Variants in BRCA1 observed in about 807,000 individuals in gnomAD.
The protein encoded by BRCA1 is BRCA1 DNA repair associated.
Under a neutral mutation model 173.7 loss-of-function variants are expected in BRCA1, and 140 were observed. That is an observed-to-expected ratio of 0.81 (90% confidence interval 0.70 to 0.93). BRCA1 has a LOEUF of 0.93. Ranked by LOEUF, BRCA1 falls within the 40% of genes least tolerant of loss-of-function variation. The pLI, the probability that BRCA1 is intolerant of heterozygous loss-of-function variation, is 0.00. For missense variants in BRCA1, 1,983 were observed against 2,172.5 expected (o/e 0.91, Z 1.73); for synonymous variants, 662 against 756.0 (o/e 0.88, Z 2.04).
At chr17:43,121,199 C>T (rs1455876300) in intron 2 of BRCA1, among the ~76,000 whole-genome samples, 1 of 151,582 alleles carries the variant, frequency 6.6e-6, no homozygotes, top group Non-Finnish European at 1.5e-5. Flanking sequence ...CATGGTGAAA[C>T]CCCGTCTCTA....
At chr17:43,148,955 C>A (rs1347724431) in intron 1 of BRCA1, among the ~76,000 whole-genome samples, 3 of 152,180 alleles carry the variant, frequency 2.0e-5, no homozygotes, top group African/African-American at 4.8e-5. Flanking sequence ...ATAGTTCAGT[C>A]ATCCTTGATA....
At chr17:43,155,048 G>A (rs1267126793) in intron 1 of BRCA1, among the ~76,000 whole-genome samples, 3 of 152,220 alleles carry the variant, frequency 2.0e-5, no homozygotes, top group Non-Finnish European at 4.4e-5. Context: ...CATCAGATAG[G>A]TCAAGGTGCT....
chr17:43,153,835 T>C (rs758647456), intron 1 of BRCA1, among the ~76,000 whole-genome samples: 29 of 152,336 alleles, frequency 1.9e-4, no homozygotes, highest in Non-Finnish European at 3.2e-4. Flanking sequence ...GCATGTTTGG[T>C]TTGTGATTAC....
At chr17:43,158,627 T>C (rs1243924361) in intron 1 of BRCA1, among the ~76,000 whole-genome samples, 1 of 152,224 alleles carries the variant, frequency 6.6e-6, no homozygotes, top group Non-Finnish European at 1.5e-5. Flanking sequence ...CACCATATTT[T>C]AAAAAATTAA....
chr17:43,091,998 C>A lies in BRCA1; in HGVS notation c.3533G>T (p.Ser1178Ile), dbSNP rs1294360179. Residue 1178 changes from serine (S) to isoleucine (I), a missense_variant, in exon 10 of 23, where the codon AGC (serine) becomes ATC (isoleucine). By Grantham distance (142) the Ser-to-Ile change is moderately radical. Coordinates refer to ENST00000357654, the MANE Select transcript of BRCA1 (RefSeq NM_007294.4). ...NDIKESSAVF[S>I]KSVQKGELSR... ...AAGCTCTCCTTTCTGGACGCTTTTG[C>A]TAAAAACAGCAGAACTTTCCTTAAT... is the stretch of plus-strand genomic sequence containing the variant. The A allele has an allele frequency of 6.2e-7, 1 of 1,614,052 alleles. No homozygotes were observed. Among genetic ancestry groups the A allele is most frequent in the Non-Finnish European group, 8.5e-7 (1 of 1,180,006 alleles).
rs2050981068 is a variant in BRCA1 at position 43,047,658 on chromosome 17, C to T, written c.5452G>A (p.Asp1818Asn). 1 of 1,614,220 alleles carries T rather than the reference C, an allele frequency of 6.2e-7. No individual in the cohort carries two copies. The highest frequency in any genetic ancestry group is 1.3e-5 in the African/African-American group (1 of 75,068). Residue 1818 changes from aspartate (D) to asparagine (N), a missense_variant, in exon 22 of 23, where the codon GAC becomes AAC. Physicochemically the swap from Asp to Asn is conservative, Grantham distance 23 (BLOSUM62 1). Transcript: ENST00000357654. The stretch of plus-strand genomic sequence containing the variant: ...GGCACCTTACCATGGAAGCCATTGT[C>T]CTCTGTCCAGGCATCTGGCTGCACA... Reference protein sequence around the residue: ...VVVQPDAWTEDNGFHAIGQMC... With the variant: ...VVVQPDAWTENNGFHAIGQMC...
Position 43,115,727 on chromosome 17 carries a change from TGC to T in BRCA1, c.131_132del (p.Cys44Ter), listed in dbSNP as rs1597911705. ...PVSTKCDHIF[C>X]KFCMLKLLNQ... ...GCCACATAACACATTCAAACTTACT[TGC>T]AAAATATGTGGTCACACTTTGTGGA... On this transcript the variant is annotated frameshift_variant and splice_region_variant, in exon 3 of 23. Coordinates refer to ENST00000357654, the MANE Select transcript of BRCA1 (RefSeq NM_007294.4). LOFTEE classifies it high-confidence loss of function. 1 of 1,613,364 alleles carries T rather than the reference TGC, an allele frequency of 6.2e-7. No individual in the cohort carries two copies. The highest frequency in any genetic ancestry group is 2.2e-5 in the East Asian group (1 of 44,858).
rs760604247 is a variant in BRCA1 at position 43,100,524 on chromosome 17, G to GTA, written c.442-646_442-645dup. 4.9e-3 allele frequency among the ~76,000 whole-genome samples: 312 copies of GTA among 63,794 alleles called. 3 individuals are homozygous for GTA. The highest frequency in any genetic ancestry group is 9.0e-3 in the Non-Finnish European group (221 of 24,678). 41.9% of individuals were successfully genotyped at this position (63,794 alleles called of 152,430 possible). ...GCCTGGCTAATTTGTGTGTGTGTGTGTATATATATATACATATATATGTGT... is the reference window on the plus strand; with the variant it reads ...GCCTGGCTAATTTGTGTGTGTGTGTGTATATATATATATACATATATATGTGT... On this transcript the variant is annotated intron_variant, in intron 6 of 22. Transcript: ENST00000357654.
chr17:43,163,802 G>C (rs1393511050), intron 1 of BRCA1: 2 of 152,238 alleles, frequency 1.3e-5, no homozygotes, highest in Non-Finnish European at 2.9e-5. Flanking sequence ...AGGTCTCCAA[G>C]GAACGCTAAG....
intron 12 of BRCA1, among the ~76,000 whole-genome samples, chr17:43,080,527 A>G (rs1165117535): frequency 6.6e-6 from 1 of 151,474 alleles, no homozygotes; most frequent in Non-Finnish European, 1.5e-5. Context: ...AGTTCTGGCC[A>G]GGTGCCATGG....
intron 18 of BRCA1, among the ~76,000 whole-genome samples, chr17:43,059,111 A>G (rs374789098): frequency 1.2e-4 from 18 of 152,278 alleles, no homozygotes; most frequent in African/African-American, 4.3e-4. Flanking sequence ...TGAGCTTCAT[A>G]CAATGTGTCC....
intron 7 of BRCA1, among the ~76,000 whole-genome samples, chr17:43,098,906 T>A (rs799919): frequency 1.3e-5 from 2 of 148,342 alleles, no homozygotes; most frequent in African/African-American, 5.0e-5. Context: ...CAACCTCTGC[T>A]TCCTGGGTTC....
chr17:43,133,168 A>T (rs775087698), intron 1 of BRCA1: 1 of 152,180 alleles, frequency 6.6e-6, no homozygotes, highest in Admixed American at 6.5e-5. Flanking sequence ...ACAGGTGCCT[A>T]TGTGGGTTCC....
intron 12 of BRCA1, among the ~76,000 whole-genome samples, chr17:43,081,241 C>T (rs978913851): frequency 6.6e-6 from 1 of 152,170 alleles, no homozygotes; most frequent in Non-Finnish European, 1.5e-5. Context: ...TCTGATCTCT[C>T]ATTATCTGAG....
intron 13 of BRCA1, 78 bp from the exon 14 acceptor site, chr17:43,074,599 C>T: frequency 7.5e-7 from 1 of 1,331,664 alleles, no homozygotes; most frequent in African/African-American, 1.4e-5. Flanking sequence ...GCAGCCAAAG[C>T]ATAAATGAAA....
intron 1 of BRCA1, chr17:43,148,885 A>C (rs1358944086): frequency 1.8e-5 from 3 of 167,432 alleles, no homozygotes; most frequent in Non-Finnish European, 4.4e-5. Context: ...CATCTACCTA[A>C]TGAGATAACT....
chr17:43,142,968 ATATATATGTGTG>A (rs1365389685), intron 1 of BRCA1, among the ~76,000 whole-genome samples: 1 of 71,078 alleles, frequency 1.4e-5, no homozygotes, highest in Non-Finnish European at 3.3e-5. Flanking sequence ...GTGTGTGTGT[ATATATATGTGTG>A]TATATATATA....
chr17:43,117,730 C>T lies in BRCA1; in HGVS notation c.81-1951G>A, dbSNP rs1421661769. Among the ~76,000 whole-genome samples, 5 of 152,100 alleles carry T rather than the reference C, an allele frequency of 3.3e-5. No homozygotes were observed. In the East Asian group the frequency reaches 9.6e-4, roughly 29 times the overall value. On this transcript the variant is annotated intron_variant, in intron 2 of 22. Coordinates refer to ENST00000357654, the MANE Select transcript of BRCA1 (RefSeq NM_007294.4). Reference sequence around the variant, plus strand: ...CTCCAACCTGGGCGACAGAGCTGGACTCCATCTCAAAATAATAATAAGCTT... The same window carrying T: ...CTCCAACCTGGGCGACAGAGCTGGATTCCATCTCAAAATAATAATAAGCTT...
intron 1 of BRCA1, among the ~76,000 whole-genome samples, chr17:43,149,681 T>A (rs2056148301): frequency 6.6e-6 from 1 of 152,216 alleles, no homozygotes; most frequent in East Asian, 1.9e-4. Flanking sequence ...AGCTTTAGGG[T>A]GAAGGCATAG....
Sources: gnomAD v4.1 joint callset for allele counts (sites outside exome capture counted in the v4.1 genomes callset) on GRCh38, gnomAD v4.1.1 for gene constraint, MANE v1.5 for transcripts, NCBI Gene and HGNC (gene_info 2026-07-23, HGNC 2026-07-21) for gene names.